Variants in XXYLT1 observed in about 807,000 individuals in gnomAD.
XXYLT1 encodes UDP-xylose:alpha-xyloside alpha-1,3-xylosyltransferase.
Under a neutral mutation model 28.9 loss-of-function variants are expected in XXYLT1, and 20 were observed. The ratio of observed to expected loss-of-function variants is 0.69; its 90% CI spans 0.49 to 1.00. XXYLT1 has a LOEUF of 1.00. Among genes scored for constraint, XXYLT1 ranks in the 50% least tolerant of loss-of-function variants. The probability of loss-of-function intolerance (pLI) is 0.00; values close to 1 mark genes in which losing one functional copy is unlikely to be tolerated. For missense variants in XXYLT1, 542 were observed against 560.1 expected (o/e 0.97, Z 0.33); for synonymous variants, 257 against 253.8 (o/e 1.01, Z -0.12).
chr3:195,228,916 G>T (rs1261950561), intron 1 of XXYLT1, among the ~76,000 whole-genome samples: 1 of 151,582 alleles, frequency 6.6e-6, no homozygotes, highest in African/African-American at 2.4e-5. Context: ...AGGTTCAAGT[G>T]ATTCTCCTGC....
At position 195,173,342 on chromosome 3, in the gene XXYLT1, T is replaced by G. The variant is rs1577107623; in HGVS notation, c.653-16761A>C. 6.6e-6 allele frequency among the ~76,000 whole-genome samples: 1 copy of G among 152,058 alleles called. No homozygotes were observed. The highest frequency in any genetic ancestry group is 1.5e-5 in the Non-Finnish European group (1 of 68,008). On this transcript the variant is annotated intron_variant, in intron 2 of 3. Transcript: ENST00000310380. This position sits in a 1 kb window ranked among gnomAD's most constrained non-coding sequence, Gnocchi z 4.3. The stretch of plus-strand genomic sequence containing the variant: ...GCTCAGGGAAAGACGCAGCGTCTCC[T>G]CCCCCAGCATCTGCCTGGCCATTAT...
chr3:195,103,916 C>T (rs534001772), intron 3 of XXYLT1, among the ~76,000 whole-genome samples: 1 of 152,346 alleles, frequency 6.6e-6, no homozygotes, highest in East Asian at 1.9e-4. Context: ...ATGCTCCTGC[C>T]TAACCCTGTG....
At chr3:195,111,954 A>G (rs1717742000) in intron 3 of XXYLT1, among the ~76,000 whole-genome samples, 1 of 152,212 alleles carries the variant, frequency 6.6e-6, no homozygotes, top group South Asian at 2.1e-4. Flanking sequence ...CTCTACATGC[A>G]AAGTGAACAT....
chr3:195,179,340 CAAAAAAAAAAAGAA>C (rs1242725051), intron 2 of XXYLT1, among the ~76,000 whole-genome samples: 5 of 80,472 alleles, frequency 6.2e-5, no homozygotes, highest in East Asian at 3.6e-4. Flanking sequence ...GACACCGTCT[CAAAAAAAAAAAGAA>C]AAAAAAAAAA....
chr3:195,224,119 A>G (rs1272874946), intron 2 of XXYLT1, among the ~76,000 whole-genome samples: 1 of 152,188 alleles, frequency 6.6e-6, no homozygotes, highest in Non-Finnish European at 1.5e-5. Context: ...TTGCTAAACC[A>G]CTGCACTCCA....
Position 195,179,663 on chromosome 3 carries a change from C to A in XXYLT1, c.653-23082G>T, listed in dbSNP as rs1000170228. Among the ~76,000 whole-genome samples the A allele has an allele frequency of 5.3e-5, 8 of 152,072 alleles. 2 individuals carry two copies. In the East Asian group the frequency reaches 5.8e-4, roughly 11 times the overall value. The stretch of plus-strand genomic sequence containing the variant: ...CCACTAGTCAATTCCAACAGAAAAA[C>A]CCCAAAAACAGAAACAAACCGGAGG... On this transcript the variant is annotated intron_variant, in intron 2 of 3. Transcript: ENST00000310380.
intron 1 of XXYLT1, among the ~76,000 whole-genome samples, chr3:195,268,956 G>A (rs1391706274): frequency 2.6e-5 from 4 of 152,228 alleles, no homozygotes; most frequent in Non-Finnish European, 4.4e-5. Context: ...CAGGGAAGTA[G>A]AAAAGGAAAG....
chr3:195,142,725 G>A (rs564859420), intron 3 of XXYLT1, among the ~76,000 whole-genome samples: 4 of 152,272 alleles, frequency 2.6e-5, no homozygotes, highest in African/African-American at 7.2e-5. Context: ...GCTGGGGTGC[G>A]TATGCACGCT....
rs1718504107 is a variant in XXYLT1 at position 195,124,194 on chromosome 3, C to T, written c.785+32255G>A. On this transcript the variant is annotated intron_variant, in intron 3 of 3. Coordinates refer to ENST00000310380, the MANE Select transcript of XXYLT1 (RefSeq NM_152531.5). This position sits in a 1 kb window ranked among gnomAD's most constrained non-coding sequence, Gnocchi z 4.1. ...GGTCTAGACCACAGCCCTCATTTTA[C>T]AGACAAAGAGACAGAGGGCCAGGGT... Among the ~76,000 whole-genome samples the T allele has an allele frequency of 6.6e-6, 1 of 152,208 alleles. No individual in the cohort carries two copies. The highest frequency in any genetic ancestry group is 6.5e-5 in the Admixed American group (1 of 15,288).
At chr3:195,146,349 T>C (rs1301625443) in intron 3 of XXYLT1, among the ~76,000 whole-genome samples, 1 of 152,266 alleles carries the variant, frequency 6.6e-6, no homozygotes, top group Non-Finnish European at 1.5e-5. Flanking sequence ...ATAAGGTTCT[T>C]TCAATGCGAT....
intron 2 of XXYLT1, among the ~76,000 whole-genome samples, chr3:195,171,571 T>C (rs1287908485): frequency 3.3e-5 from 5 of 152,208 alleles, no homozygotes; most frequent in Non-Finnish European, 7.3e-5. Flanking sequence ...TCTGGATTAT[T>C]GGTGTCTTGA....
intron 3 of XXYLT1, among the ~76,000 whole-genome samples, chr3:195,073,543 G>A (rs1054427136): frequency 3.9e-5 from 6 of 151,974 alleles, no homozygotes; most frequent in East Asian, 1.9e-4. Flanking sequence ...CTAACCGTCC[G>A]GCCTGTGGAG....
rs1048428179 is a variant in XXYLT1 at position 195,150,524 on chromosome 3, C to T, written c.785+5925G>A. Among the ~76,000 whole-genome samples the T allele has an allele frequency of 1.3e-5, 2 of 152,176 alleles. No individual in the cohort carries two copies. The highest frequency in any genetic ancestry group is 2.4e-5 in the African/African-American group (1 of 41,442). On this transcript the variant is annotated intron_variant, in intron 3 of 3. Transcript: ENST00000310380. The surrounding 1 kb of genome is among the most constrained non-coding windows in gnomAD (Gnocchi z 4.7). ...CATGTGACTTAAAAAGGTGAACGAG[C>T]GGACATGATTAAAATACTTAACACA...
At chr3:195,233,073 ATATATAACTGT>A (rs1404274934) in intron 1 of XXYLT1, among the ~76,000 whole-genome samples, 4 of 152,196 alleles carry the variant, frequency 2.6e-5, no homozygotes, top group African/African-American at 9.7e-5. Context: ...TGTTGGATGC[ATATATAACTGT>A]TATATCCTTA....
chr3:195,201,427 G>A (rs984482112), intron 2 of XXYLT1, among the ~76,000 whole-genome samples: 2 of 152,178 alleles, frequency 1.3e-5, no homozygotes, highest in African/African-American at 4.8e-5. Flanking sequence ...CTGCCTTTAA[G>A]TCATCCCAAT....
chr3:195,101,341 A>G (rs758708898), intron 3 of XXYLT1, among the ~76,000 whole-genome samples: 1 of 152,276 alleles, frequency 6.6e-6, no homozygotes, highest in Non-Finnish European at 1.5e-5. Context: ...TCACATTAGG[A>G]AAAAACAGAA....
chr3:195,126,719 C>T (rs745860674), intron 3 of XXYLT1, among the ~76,000 whole-genome samples: 1 of 152,258 alleles, frequency 6.6e-6, no homozygotes, highest in African/African-American at 2.4e-5. Flanking sequence ...GATCCCAACA[C>T]TCCCCTCCCT....
chr3:195,192,151 C>T (rs1722447461), intron 2 of XXYLT1, among the ~76,000 whole-genome samples: 1 of 152,196 alleles, frequency 6.6e-6, no homozygotes, highest in Admixed American at 6.5e-5. Context: ...AGGTCGGGTA[C>T]AGTGGCTCAT....
At position 195,270,814 on chromosome 3, in the gene XXYLT1, G is replaced by T; in HGVS notation, c.245C>A (p.Pro82His). ...CTCCAAGCTCTTGGCCTTCGCGCCG[G>T]GGGCTGGCGCCACGGAGCCCCGCGC... ...ELARGSVAPA[P>H]GAKAKSLEGG... The change falls in exon 1 of 4, where the codon CCC becomes CAC. Residue 82 changes from proline to histidine, a missense_variant. Physicochemically the swap from Pro to His is moderately conservative, Grantham distance 77. Transcript: ENST00000310380. The T allele has an allele frequency of 6.7e-7, 1 of 1,497,968 alleles. No homozygotes were observed. Among genetic ancestry groups the T allele is most frequent in the Non-Finnish European group, 8.9e-7 (1 of 1,125,876 alleles). The allele number at this position is 1,497,968 out of a possible 1,614,324, so 92.8% of individuals were successfully genotyped here.
Sources: gnomAD v4.1 joint callset for allele counts (sites outside exome capture counted in the v4.1 genomes callset) on GRCh38, gnomAD v4.1.1 for gene constraint, Gnocchi (gnomAD v3.1) non-coding constraint, MANE v1.5 for transcripts, NCBI Gene and HGNC (gene_info 2026-07-23, HGNC 2026-07-21) for gene names.